Variants in ACTR3B observed in about 807,000 individuals in gnomAD.
The protein encoded by ACTR3B is actin-related protein 3B.
ACTR3B carries 8 observed loss-of-function variants against 59.0 expected under a neutral mutation model. That is an observed-to-expected ratio of 0.14 (90% CI 0.08 to 0.24). The LOEUF (loss-of-function observed/expected upper bound fraction) is 0.24, where lower values mean the gene tolerates loss of function less well. Among genes scored for constraint, ACTR3B ranks in the 10% least tolerant of loss-of-function variants. The probability of loss-of-function intolerance (pLI) is 1.00; values close to 1 mark genes in which losing one functional copy is unlikely to be tolerated. For synonymous variants in ACTR3B, 148 were observed against 197.9 expected, an observed-to-expected ratio of 0.75 and a Z score of 2.12; for missense variants, 245 against 552.3, an observed-to-expected ratio of 0.44 and a Z score of 5.58.
rs1271988879 is a variant in ACTR3B, at chr7:152,759,819, C to T, written c.-64C>T. The T allele has an allele frequency of 4.3e-6, 5 of 1,160,212 alleles. No homozygotes were observed. The highest frequency in any genetic ancestry group is 3.9e-5 in the South Asian group (1 of 25,512). 71.9% of individuals were successfully genotyped at this position (1,160,212 alleles called of 1,614,324 possible). ...CGCTGCGCGCGGGGCTAGCGGGCGG[C>T]GGAGCGGACGGCGACGGGGCGCTCT... On this transcript the variant is annotated 5_prime_UTR_variant, in exon 1 of 12. Coordinates refer to ENST00000256001, the MANE Select transcript of ACTR3B (RefSeq NM_020445.6).
At chr7:152,831,301 A>G (rs1590398144) in intron 9 of ACTR3B, among the ~76,000 whole-genome samples, 1 of 152,230 alleles carries the variant, frequency 6.6e-6, no homozygotes, top group Non-Finnish European at 1.5e-5. Flanking sequence ...GAGTAATGTC[A>G]GTGAGCACCT....
At chr7:152,807,362 T>C (rs1304076243) in intron 4 of ACTR3B, among the ~76,000 whole-genome samples, 2 of 151,988 alleles carry the variant, frequency 1.3e-5, no homozygotes, top group African/African-American at 4.8e-5. Context: ...CTCATTTCCT[T>C]ACAGTTTTCA....
At chr7:152,834,351 G>A (rs544699854) in intron 9 of ACTR3B, among the ~76,000 whole-genome samples, 1,832 of 151,974 alleles carry the variant, frequency 0.012, 20 homozygotes, top group Non-Finnish European at 0.017. Context: ...ACGGGGTTTC[G>A]CCATGTTGGC....
At chr7:152,849,249 T>C (rs1798604424) in intron 9 of ACTR3B, among the ~76,000 whole-genome samples, 1 of 152,180 alleles carries the variant, frequency 6.6e-6, no homozygotes, top group African/African-American at 2.4e-5. Flanking sequence ...CCGTAAGGCA[T>C]GGGTACCCTT....
At chr7:152,817,829 A>T (rs1303064958) in intron 6 of ACTR3B, among the ~76,000 whole-genome samples, 4 of 152,232 alleles carry the variant, frequency 2.6e-5, no homozygotes, top group African/African-American at 7.2e-5. Flanking sequence ...TGAGAAGGTG[A>T]TGGGGTGACG....
Position 152,778,668 on chromosome 7 carries a change from G to A in ACTR3B, c.45-4519G>A, listed in dbSNP as rs7802304. Among the ~76,000 whole-genome samples, 881 of 151,728 alleles carry A rather than the reference G, an allele frequency of 5.8e-3. 11 individuals carry two copies. The highest frequency in any genetic ancestry group is 0.02 in the African/African-American group (823 of 41,358). ...ATTGCTGCATTTGGTAGCTGGGCTC[G>A]GTGGCTCACACCTATAATCCTAGCA... On this transcript the variant is annotated intron_variant, in intron 1 of 11. Coordinates refer to ENST00000256001, the MANE Select transcript of ACTR3B (RefSeq NM_020445.6).
intron 4 of ACTR3B, among the ~76,000 whole-genome samples, chr7:152,802,962 T>C (rs2098241326): frequency 2.6e-5 from 4 of 152,228 alleles, no homozygotes; most frequent in Admixed American, 2.6e-4. Flanking sequence ...ACAGCTGAAA[T>C]TGCCAAGTAT....
At chr7:152,809,564 C>G (rs10242650) in intron 4 of ACTR3B, among the ~76,000 whole-genome samples, 2 of 150,232 alleles carry the variant, frequency 1.3e-5, no homozygotes, top group East Asian at 3.9e-4. Context: ...TTTTTTGAGA[C>G]GGAGTCTTGC....
At chr7:152,777,049 T>G (rs1220701638) in intron 1 of ACTR3B, among the ~76,000 whole-genome samples, 1 of 152,206 alleles carries the variant, frequency 6.6e-6, no homozygotes, top group African/African-American at 2.4e-5. Context: ...TTTGCATACA[T>G]GTACAAATAC....
intron 9 of ACTR3B, among the ~76,000 whole-genome samples, chr7:152,834,131 T>C (rs1468685122): frequency 6.6e-6 from 1 of 151,616 alleles, no homozygotes; most frequent in East Asian, 1.9e-4. Context: ...AAGGAGAATT[T>C]ACTCCTTTGT....
At chr7:152,782,642 T>C (rs1030147309) in intron 1 of ACTR3B, among the ~76,000 whole-genome samples, 1 of 151,832 alleles carries the variant, frequency 6.6e-6, no homozygotes, top group Admixed American at 6.6e-5. Flanking sequence ...AAGAAAATTA[T>C]ATAATCATTT....
intron 1 of ACTR3B, among the ~76,000 whole-genome samples, chr7:152,765,228 C>T (rs977223379): frequency 2.7e-5 from 4 of 147,908 alleles, no homozygotes; most frequent in Admixed American, 2.1e-4. Flanking sequence ...AGTGATTCTC[C>T]TGCCTCAGCC....
In ACTR3B at chr7:152,759,834, C is replaced by A. The variant is rs2098083323; in HGVS notation, c.-49C>A. ...TAGCGGGCGGCGGAGCGGACGGCGA[C>A]GGGGCGCTCTCGGGCTGCCGGCGGG... On this transcript the variant is annotated 5_prime_UTR_variant, in exon 1 of 12. Transcript: ENST00000256001. The A allele has an allele frequency of 8.3e-7, 1 of 1,210,816 alleles. No individual in the cohort carries two copies. Among genetic ancestry groups the A allele is most frequent in the Non-Finnish European group, 1.0e-6 (1 of 971,774 alleles). 75.0% of individuals were successfully genotyped at this position (1,210,816 alleles called of 1,614,324 possible).
intron 2 of ACTR3B, among the ~76,000 whole-genome samples, chr7:152,799,686 T>A (rs1342123143): frequency 6.6e-6 from 1 of 152,164 alleles, no homozygotes; most frequent in African/African-American, 2.4e-5. Context: ...ATCAAACACG[T>A]GTGCAGAACT....
intron 10 of ACTR3B, 54 bp downstream of exon 10, chr7:152,852,305 C>G (rs113145340): frequency 6.5e-7 from 1 of 1,542,370 alleles, no homozygotes; most frequent in African/African-American, 1.4e-5. Flanking sequence ...CAGGCCTGAC[C>G]GGGGCCCTCC....
At position 152,823,324 on chromosome 7, in the gene ACTR3B, C is replaced by T. The variant is rs1250123057; in HGVS notation, c.685-18C>T. ...GGCAGTTGTTAATGCCTGGCAACAT[C>T]TTTGTGTGTGTATGCAGGAGAAATA... On this transcript the variant is annotated intron_variant, in intron 7 of 11. Coordinates refer to ENST00000256001, the MANE Select transcript of ACTR3B (RefSeq NM_020445.6). The T allele has an allele frequency of 6.2e-7, 1 of 1,610,962 alleles. No individual in the cohort carries two copies.
chr7:152,835,001 T>G (rs576817168), intron 9 of ACTR3B, among the ~76,000 whole-genome samples: 77 of 152,222 alleles, frequency 5.1e-4, no homozygotes, highest in African/African-American at 1.8e-3. Flanking sequence ...GATCTGCTGA[T>G]TTCTCACACT....
chr7:152,782,292 C>T (rs2098156705), intron 1 of ACTR3B, among the ~76,000 whole-genome samples: 2 of 149,816 alleles, frequency 1.3e-5, no homozygotes, highest in South Asian at 2.1e-4. Flanking sequence ...CTTGGTTGTC[C>T]AGACGTTACT....
At chr7:152,760,873 A>G (rs1370213559) in intron 1 of ACTR3B, among the ~76,000 whole-genome samples, 1 of 152,116 alleles carries the variant, frequency 6.6e-6, no homozygotes, top group Non-Finnish European at 1.5e-5. Context: ...TTAGTAAAAT[A>G]GCCTGGAAGT....
Sources: allele counts gnomAD v4.1 joint callset (sites outside exome capture counted in the v4.1 genomes callset), GRCh38; gene constraint gnomAD v4.1.1; transcripts MANE v1.5; gene names NCBI Gene and HGNC (gene_info 2026-07-23, HGNC 2026-07-21).